Variants in BTC observed in about 807,000 individuals in gnomAD.
BTC encodes betacellulin.
In BTC, 13 loss-of-function variants were observed where a neutral mutation model predicts 18.1. The observed-to-expected ratio is 0.72, with a 90% CI of 0.47 to 1.14. The LOEUF (loss-of-function observed/expected upper bound fraction) is 1.14. Ranked by LOEUF, BTC falls within the 50% of genes most tolerant of loss-of-function variation. The pLI is 0.00. For missense variants in BTC, 247 were observed against 224.2 expected (o/e 1.10, Z -0.65); for synonymous variants, 83 against 79.4 (o/e 1.05, Z -0.24).
intron 2 of BTC, among the ~76,000 whole-genome samples, chr4:74,760,132 A>G (rs1577953587): frequency 1.3e-5 from 2 of 152,338 alleles, no homozygotes; most frequent in African/African-American, 4.8e-5. Context: ...TCTGAAGTCA[A>G]CTCAAAGGGC....
intron 5 of BTC, among the ~76,000 whole-genome samples, chr4:74,746,882 A>G (rs1379568902): frequency 6.6e-6 from 1 of 152,186 alleles, no homozygotes; most frequent in Non-Finnish European, 1.5e-5. Flanking sequence ...TCTTTGTACA[A>G]CTGAGCTGTG....
intron 2 of BTC, among the ~76,000 whole-genome samples, chr4:74,759,130 CG>C (rs1577952866): frequency 1.3e-5 from 2 of 152,040 alleles, no homozygotes; most frequent in East Asian, 3.9e-4. Flanking sequence ...TGGAACCCAG[CG>C]TTTTCTGCCC....
intron 2 of BTC, among the ~76,000 whole-genome samples, chr4:74,768,795 AG>A (rs1266439770): frequency 1.3e-5 from 2 of 152,216 alleles, no homozygotes; most frequent in African/African-American, 4.8e-5. Context: ...ATGATGAGGA[AG>A]ATTTTTGAAC....
chr4:74,793,129 A>G (rs1725678249), intron 1 of BTC, among the ~76,000 whole-genome samples: 1 of 152,214 alleles, frequency 6.6e-6, no homozygotes, highest in African/African-American at 2.4e-5. Context: ...TCTCAACCCC[A>G]TTGCTCTTCT....
chr4:74,748,233 G>A (rs782499277), intron 4 of BTC, 84 bp from the exon 5 acceptor site: 3 of 873,728 alleles, frequency 3.4e-6, no homozygotes, highest in Non-Finnish European at 3.5e-6. Context: ...CCTATGATCA[G>A]GTTTCTTTTT....
chr4:74,786,140 C>T (rs760652555), intron 1 of BTC, among the ~76,000 whole-genome samples: 7 of 152,096 alleles, frequency 4.6e-5, no homozygotes, highest in Non-Finnish European at 1.0e-4. Flanking sequence ...GAGATGAGAC[C>T]AGTTGAGTGT....
intron 1 of BTC, among the ~76,000 whole-genome samples, chr4:74,779,839 T>C (rs568791051): frequency 2.0e-5 from 3 of 152,280 alleles, no homozygotes; most frequent in South Asian, 4.1e-4. Flanking sequence ...GAATTTGTTA[T>C]CATCTTTATC....
At chr4:74,760,824 T>A (rs1577954130) in intron 2 of BTC, among the ~76,000 whole-genome samples, 1 of 150,310 alleles carries the variant, frequency 6.7e-6, no homozygotes, top group East Asian at 2.0e-4. Flanking sequence ...AAGCTCCGCC[T>A]CCCGGGTTCA....
intron 1 of BTC, 58 bp from the exon 2 acceptor site, chr4:74,770,214 T>G (rs1307459631): frequency 3.0e-6 from 4 of 1,340,926 alleles, no homozygotes; most frequent in African/African-American, 1.5e-5. Context: ...TGTGAAACAG[T>G]CTATCAAAGT....
intron 1 of BTC, among the ~76,000 whole-genome samples, chr4:74,771,153 G>A (rs1170282998): frequency 3.3e-5 from 5 of 151,896 alleles, no homozygotes; most frequent in Admixed American, 2.6e-4. Flanking sequence ...CATAATAATA[G>A]GAGGGAAGAA....
At chr4:74,750,376 A>G (rs1724426726) in intron 4 of BTC, among the ~76,000 whole-genome samples, 197 bp downstream of exon 4, 1 of 152,196 alleles carries the variant, frequency 6.6e-6, no homozygotes, top group African/African-American at 2.4e-5. Context: ...CAACAATTTT[A>G]TTCAGTAAAT....
At chr4:74,772,005 T>G (rs1210099261) in intron 1 of BTC, among the ~76,000 whole-genome samples, 1 of 152,184 alleles carries the variant, frequency 6.6e-6, no homozygotes, top group Non-Finnish European at 1.5e-5. Context: ...GAATAGAACA[T>G]CTTGTGTTCC....
chr4:74,792,479 C>T (rs58040163), intron 1 of BTC, among the ~76,000 whole-genome samples: 2,129 of 152,274 alleles, frequency 0.014, 56 homozygotes, highest in African/African-American at 0.049. Flanking sequence ...GGCCCACAGG[C>T]GCCCCCCCTT....
At chr4:74,783,276 A>G (rs1174826115) in intron 1 of BTC, among the ~76,000 whole-genome samples, 3 of 152,156 alleles carry the variant, frequency 2.0e-5, no homozygotes, top group Non-Finnish European at 4.4e-5. Context: ...TATTTTTTGT[A>G]TATAGTGTAA....
At chr4:74,753,883 A>C (rs1724528609) in intron 3 of BTC, among the ~76,000 whole-genome samples, 1 of 152,188 alleles carries the variant, frequency 6.6e-6, no homozygotes, top group Admixed American at 6.5e-5. Context: ...GCATACTTAA[A>C]TATGTTCTTA....
intron 2 of BTC, among the ~76,000 whole-genome samples, chr4:74,768,403 C>T (rs1351960946): frequency 6.6e-6 from 1 of 152,052 alleles, no homozygotes; most frequent in African/African-American, 2.4e-5. Flanking sequence ...GGTAGTACAT[C>T]CATAGAATAT....
Position 74,771,669 on chromosome 4 carries a change from A to G in BTC, c.65-1513T>C, listed in dbSNP as rs148703576. On this transcript the variant is annotated intron_variant, in intron 1 of 5. Coordinates refer to ENST00000395743, the MANE Select transcript of BTC (RefSeq NM_001729.4). ...GTTTTCAAAGAAAGAAATGTACCTA[A>G]CATGGGTAACAGTGAAGAGAAATGG... 1.3e-3 allele frequency among the ~76,000 whole-genome samples: 193 copies of G among 152,362 alleles called. 1 individual carries two copies. The highest frequency in any genetic ancestry group is 4.4e-3 in the African/African-American group (183 of 41,596).
At chr4:74,750,835 C>T (rs959929762) in intron 3 of BTC, 116 bp from the exon 4 acceptor site, 27 of 1,386,432 alleles carry the variant, frequency 1.9e-5, no homozygotes, top group Non-Finnish European at 2.7e-5. Context: ...GAACACAGTT[C>T]CCTTTTTAAA....
chr4:74,763,952 C>T (rs1553957577), intron 2 of BTC, among the ~76,000 whole-genome samples: 1 of 151,722 alleles, frequency 6.6e-6, no homozygotes, highest in African/African-American at 2.4e-5. Context: ...TGTGTCAAAA[C>T]AGCCCACTGT....
Sources: gnomAD v4.1 joint callset for allele counts (sites outside exome capture counted in the v4.1 genomes callset) on GRCh38, gnomAD v4.1.1 for gene constraint, MANE v1.5 for transcripts, NCBI Gene and HGNC (gene_info 2026-07-23, HGNC 2026-07-21) for gene names.